Variants in REC8 observed in about 807,000 individuals in gnomAD.
REC8 encodes REC8 meiotic recombination protein, also known as meiotic recombination protein REC8 homolog.
Under a neutral mutation model 78.3 loss-of-function variants are expected in REC8, and 42 were observed. The ratio of observed to expected loss-of-function variants is 0.54; its 90% confidence interval spans 0.42 to 0.69. The LOEUF (loss-of-function observed/expected upper bound fraction) is 0.69. REC8 is among the 30% of genes least tolerant of loss of function. The pLI, the probability that REC8 is intolerant of heterozygous loss-of-function variation, is 0.00. For synonymous variants in REC8, 268 were observed against 274.1 expected, an observed-to-expected ratio of 0.98 and a Z score of 0.22; for missense variants, 581 against 715.8, an observed-to-expected ratio of 0.81 and a Z score of 2.15.
rs778771372 is a variant in REC8, at chr14:24,178,762, C to T, written c.1064-15C>T. The T allele has an allele frequency of 1.9e-6, 3 of 1,607,720 alleles. No homozygotes were observed. Among genetic ancestry groups the T allele is most frequent in the Non-Finnish European group, 1.7e-6 (2 of 1,175,326 alleles). On this transcript the variant is annotated splice_polypyrimidine_tract_variant and intron_variant, in intron 13 of 18. Transcript: ENST00000611366. ...CACGCCTCAAACCCCGTGCCTACTA[C>T]CCTCTTGTCCACAGCTGGCTGGCTA...
At chr14:24,176,996 A>T (rs928419076) in intron 7 of REC8, 95 bp downstream of exon 7, 13 of 1,348,144 alleles carry the variant, frequency 9.6e-6, no homozygotes, top group African/African-American at 5.8e-5. Flanking sequence ...CCATTTCCCT[A>T]TTCTCTGTCC....
chr14:24,179,984 C>A (rs2039092644), intron 18 of REC8, 26 bp from the exon 19 acceptor site: 1 of 1,614,054 alleles, frequency 6.2e-7, no homozygotes, highest in Non-Finnish European at 8.5e-7. Flanking sequence ...CTCCCCCGAC[C>A]TGCCCTCTCC....
At position 24,172,789 on chromosome 14, in the gene REC8, C is replaced by T; in HGVS notation, c.125+8C>T. The T allele has an allele frequency of 6.2e-7, 1 of 1,614,146 alleles. No individual in the cohort carries two copies. Among genetic ancestry groups the T allele is most frequent in the Non-Finnish European group, 8.5e-7 (1 of 1,180,020 alleles). On this transcript the variant is annotated splice_region_variant and intron_variant, in intron 2 of 18. Coordinates refer to ENST00000611366, the MANE Select transcript of REC8 (RefSeq NM_001048205.2). Reference sequence around the variant, plus strand: ...GAATGTGGTGAAAACCTGGTAAGGCCCAGAAAAGGGAAGGAGGGCCTGGTG... The same window carrying T: ...GAATGTGGTGAAAACCTGGTAAGGCTCAGAAAAGGGAAGGAGGGCCTGGTG...
chr14:24,178,262 C>T, intron 12 of REC8, 40 bp downstream of exon 12: 1 of 1,550,520 alleles, frequency 6.4e-7, no homozygotes, highest in Non-Finnish European at 8.9e-7. Flanking sequence ...GGGAGGGAGG[C>T]AGGGATGACC....
chr14:24,179,938 G>A (rs1161988348), intron 18 of REC8, 32 bp downstream of exon 18: 2 of 1,614,022 alleles, frequency 1.2e-6, no homozygotes, highest in South Asian at 2.2e-5. Context: ...TGTGTATGTG[G>A]GGCAGGGACA....
At chr14:24,180,770 G>C, downstream of REC8, 3 of 1,612,890 alleles carry the variant, frequency 1.9e-6, no homozygotes, top group Non-Finnish European at 2.5e-6. Flanking sequence ...TGTGAGGAAA[G>C]AGTGGCTGAC....
chr14:24,177,637 T>C, intron 10 of REC8, 72 bp from the exon 11 acceptor site: 1 of 1,575,970 alleles, frequency 6.3e-7, no homozygotes, highest in Non-Finnish European at 8.6e-7. Flanking sequence ...GGGAGGACCC[T>C]GCAGTTTCTT....
Position 24,172,981 on chromosome 14 carries a change from TCAG to T in REC8, c.210_212del (p.Ala71del). 1.2e-6 allele frequency: 2 copies of T among 1,609,376 alleles called. No homozygotes were observed. The highest frequency in any genetic ancestry group is 1.7e-6 in the Non-Finnish European group (2 of 1,180,002). ...GCGGCCCCGCTTCTCCCTCTATCTC[TCAG>T]CCCAACTTCAGATCGGTGTGATCCG... On this transcript the variant is annotated inframe_deletion, in exon 3 of 19. Transcript: ENST00000611366.
At chr14:24,179,500 G>A (rs1446258356) in intron 16 of REC8, 37 bp downstream of exon 16, 2 of 1,613,924 alleles carry the variant, frequency 1.2e-6, no homozygotes, top group Non-Finnish European at 1.7e-6. Context: ...AGGGCCCACA[G>A]CCCTTGGCCA....
At position 24,172,459 on chromosome 14, in the gene REC8, T is replaced by C; in HGVS notation, c.-94T>C. ...CCAGAGAAGTCCAAATCCTGACTTC[T>C]CTCCAAGGTGTTGGGAATTCTGTGC... On this transcript the variant is annotated 5_prime_UTR_variant, in exon 1 of 19. Coordinates refer to ENST00000611366, the MANE Select transcript of REC8 (RefSeq NM_001048205.2). The C allele has an allele frequency of 7.3e-7, 1 of 1,360,690 alleles. No homozygotes were observed. Among genetic ancestry groups the C allele is most frequent in the Non-Finnish European group, 1.0e-6 (1 of 999,068 alleles). The allele number at this position is 1,360,690 out of a possible 1,614,324, so 84.3% of individuals were successfully genotyped here.
chr14:24,173,537 G>A, intron 5 of REC8, 126 bp downstream of exon 5: 1 of 1,523,738 alleles, frequency 6.6e-7, no homozygotes, highest in East Asian at 2.3e-5. Flanking sequence ...AGATGGTGCA[G>A]GGGGACTGCC....
chr14:24,173,437 G>C (rs757979522), intron 5 of REC8, 26 bp downstream of exon 5: 2 of 1,612,764 alleles, frequency 1.2e-6, no homozygotes, highest in African/African-American at 2.7e-5. Flanking sequence ...CAAGACTCGT[G>C]AATTGGCAAT....
intron 12 of REC8, 74 bp from the exon 13 acceptor site, chr14:24,178,532 A>G: frequency 6.7e-7 from 1 of 1,483,558 alleles, no homozygotes; most frequent in Non-Finnish European, 9.3e-7. Flanking sequence ...AGAACAGTGC[A>G]TTGCAAAGAG....
rs757167272 is a variant in REC8, at chr14:24,180,138, C to G, written c.*43C>G. Reference sequence around the variant, plus strand: ...AAAGCTGCCAGGAAACCGGCCACTTCTAGTAAACCACGTCGTGCCTCACTG... The same window carrying G: ...AAAGCTGCCAGGAAACCGGCCACTTGTAGTAAACCACGTCGTGCCTCACTG... On this transcript the variant is annotated 3_prime_UTR_variant, in exon 19 of 19. Coordinates refer to ENST00000611366, the MANE Select transcript of REC8 (RefSeq NM_001048205.2). 11 of 1,614,012 alleles carry G rather than the reference C, an allele frequency of 6.8e-6. No homozygotes were observed. The highest frequency in any genetic ancestry group is 8.5e-6 in the Non-Finnish European group (10 of 1,180,042).
chr14:24,173,580 C>T (rs1455942333), intron 5 of REC8, among the ~76,000 whole-genome samples, 169 bp downstream of exon 5: 1 of 152,234 alleles, frequency 6.6e-6, no homozygotes, highest in Non-Finnish European at 1.5e-5. Context: ...GCCCCCTGTA[C>T]TTACCTACTC....
intron 18 of REC8, 45 bp downstream of exon 18, chr14:24,179,951 G>A (rs1410461013): frequency 6.2e-7 from 1 of 1,614,104 alleles, no homozygotes. Flanking sequence ...CAGGGACACA[G>A]AGACCAGAGG....
rs1421671099 is a variant in REC8, at chr14:24,172,616, C to T, written c.56+8C>T. 3.7e-6 allele frequency: 6 copies of T among 1,613,182 alleles called. No homozygotes were observed. Among genetic ancestry groups the T allele is most frequent in the African/African-American group, 1.3e-5 (1 of 74,938 alleles). ...CTGCTTTGCCACCATCTGGTAAGGG[C>T]GGGGCCCGTTGGCGCGCGATGGCGG... On this transcript the variant is annotated splice_region_variant and intron_variant, in intron 1 of 18. Coordinates refer to ENST00000611366, the MANE Select transcript of REC8 (RefSeq NM_001048205.2).
intron 5 of REC8, among the ~76,000 whole-genome samples, chr14:24,174,462 G>A (rs1248080203): frequency 6.6e-6 from 1 of 152,006 alleles, no homozygotes; most frequent in Non-Finnish European, 1.5e-5. Flanking sequence ...ATCTTTAGTA[G>A]AGATGGAGTT....
At chr14:24,179,282 C>A in intron 15 of REC8, 115 bp from the exon 16 acceptor site, 2 of 1,270,076 alleles carry the variant, frequency 1.6e-6, no homozygotes, top group Non-Finnish European at 1.1e-6. Context: ...GCTCTCCCAC[C>A]TATGTGCTTT....
Sources: gnomAD v4.1 joint callset for allele counts (sites outside exome capture counted in the v4.1 genomes callset) on GRCh38, gnomAD v4.1.1 for gene constraint, MANE v1.5 for transcripts, NCBI Gene and HGNC (gene_info 2026-07-23, HGNC 2026-07-21) for gene names.